COPG2: variants seen among roughly 807,000 people sequenced by gnomAD.
COPG2 encodes the protein coatomer subunit gamma-2.
COPG2 carries 37 observed loss-of-function variants against 46.3 expected under a neutral mutation model. The ratio of observed to expected loss-of-function variants is 0.80; its 90% CI spans 0.61 to 1.05. COPG2 has a LOEUF of 1.05. Among genes scored for constraint, COPG2 ranks in the 50% least tolerant of loss-of-function variants. COPG2 has a pLI of 0.00. For synonymous variants in COPG2, 159 were observed against 129.7 expected (o/e 1.23, Z -1.53); for missense variants, 427 against 387.8 (o/e 1.10, Z -0.85).
intron 20 of COPG2, among the ~76,000 whole-genome samples, chr7:130,521,045 TA>T (rs1799719305): frequency 6.6e-6 from 1 of 152,180 alleles, no homozygotes; most frequent in South Asian, 2.1e-4. Context: ...TGAGTTTTTT[TA>T]AAGGGAGATG....
intron 22 of COPG2, 85 bp from the exon 23 acceptor site, chr7:130,507,457 G>C (rs1194877881): frequency 4.0e-6 from 3 of 758,824 alleles, no homozygotes; most frequent in African/African-American, 1.7e-5. Flanking sequence ...GGGAGCTGGG[G>C]TGGAAGGGTT....
intron 3 of COPG2, among the ~76,000 whole-genome samples, chr7:130,664,853 T>C (rs1796042965): frequency 6.6e-6 from 1 of 152,220 alleles, no homozygotes. Flanking sequence ...AGAGGGATTA[T>C]GTTGTTTGTG....
At chr7:130,570,668 C>T (rs1406547823) in intron 9 of COPG2, among the ~76,000 whole-genome samples, 1 of 152,018 alleles carries the variant, frequency 6.6e-6, no homozygotes, top group Non-Finnish European at 1.5e-5. Context: ...ATACCACCAT[C>T]ATTCTTCACA....
rs145634631 is a variant in COPG2 at position 130,589,084 on chromosome 7, C to T, written c.737+21869G>A. Among the ~76,000 whole-genome samples the T allele has an allele frequency of 4.0e-5, 6 of 151,866 alleles. No individual in the cohort carries two copies. The East Asian group carries it at 1.2e-3, about 29-fold the overall frequency. On this transcript the variant is annotated intron_variant, in intron 9 of 23. Coordinates refer to ENST00000425248, the MANE Select transcript of COPG2 (RefSeq NM_012133.6). ...TAATTCCTGATTAAACATTTTATAA[C>T]ATCCCATAATACAACTAAACATTTT... is the stretch of plus-strand genomic sequence containing the variant.
chr7:130,536,389 C>A (rs1035540306), intron 20 of COPG2, among the ~76,000 whole-genome samples: 1 of 151,928 alleles, frequency 6.6e-6, no homozygotes, highest in East Asian at 1.9e-4. Context: ...GGGTTTCACC[C>A]GAGGGAGGGC....
At position 130,555,136 on chromosome 7, in the gene COPG2, T is replaced by C. The variant is rs1793601263; in HGVS notation, c.1129-4A>G. ...TAATTGCCTGTACAACCACCACCTG[T>C]AGAAAAACAAAAAGAATATTCATTT... On this transcript the variant is annotated splice_polypyrimidine_tract_variant and splice_region_variant and intron_variant, in intron 12 of 23. Transcript: ENST00000425248. The C allele has an allele frequency of 5.0e-6, 2 of 398,290 alleles. No homozygotes were observed. Among genetic ancestry groups the C allele is most frequent in the African/African-American group, 2.1e-5 (1 of 48,616 alleles). 24.7% of individuals were successfully genotyped at this position (398,290 alleles called of 1,614,324 possible). A position where few individuals can be genotyped will look rare whatever the true frequency, so the allele number is the denominator to read the frequency against.
intron 4 of COPG2, among the ~76,000 whole-genome samples, chr7:130,656,306 A>G (rs748817102): frequency 2.0e-5 from 3 of 152,118 alleles, no homozygotes; most frequent in East Asian, 1.9e-4. Context: ...CAAGATCAAT[A>G]AAGTTTATAA....
At chr7:130,660,343 T>C (rs987603802) in intron 4 of COPG2, among the ~76,000 whole-genome samples, 3 of 152,180 alleles carry the variant, frequency 2.0e-5, no homozygotes, top group Non-Finnish European at 2.9e-5. Flanking sequence ...TTATATTCTC[T>C]GACACTTTCA....
At chr7:130,627,438 A>G (rs977256148) in intron 5 of COPG2, among the ~76,000 whole-genome samples, 7 of 152,336 alleles carry the variant, frequency 4.6e-5, no homozygotes, top group Admixed American at 4.6e-4. Flanking sequence ...TACTGCACAA[A>G]GCCCTCTTCA....
chr7:130,525,107 G>C (rs1295892703), intron 20 of COPG2, among the ~76,000 whole-genome samples: 3 of 152,134 alleles, frequency 2.0e-5, no homozygotes, highest in African/African-American at 7.2e-5. Flanking sequence ...GTGGGAGTGG[G>C]GCAGCCATTT....
intron 5 of COPG2, among the ~76,000 whole-genome samples, chr7:130,650,050 A>G (rs1447660455): frequency 6.6e-6 from 1 of 152,172 alleles, no homozygotes; most frequent in African/African-American, 2.4e-5. Flanking sequence ...TGCTTTTTCC[A>G]GTCTCTAGAG....
chr7:130,651,785 G>C (rs1284105003), intron 5 of COPG2, among the ~76,000 whole-genome samples: 1 of 151,858 alleles, frequency 6.6e-6, no homozygotes, highest in Non-Finnish European at 1.5e-5. Flanking sequence ...CAAAGTGCTG[G>C]GATTACAGGT....
intron 20 of COPG2, among the ~76,000 whole-genome samples, chr7:130,529,539 A>C (rs1799804464): frequency 3.9e-5 from 6 of 152,174 alleles, no homozygotes. Flanking sequence ...TCAGAGTCCC[A>C]AACTGAGGTG....
chr7:130,512,680 G>A (rs2116333499), intron 20 of COPG2, among the ~76,000 whole-genome samples: 1 of 151,870 alleles, frequency 6.6e-6, no homozygotes. Flanking sequence ...TAATCCTGGA[G>A]GTTTCAGTGA....
At chr7:130,604,285 T>C (rs1362319577) in intron 9 of COPG2, among the ~76,000 whole-genome samples, 2 of 152,182 alleles carry the variant, frequency 1.3e-5, no homozygotes, top group African/African-American at 4.8e-5. Context: ...GTTTGTGGAA[T>C]CCATAGGTCA....
intron 5 of COPG2, among the ~76,000 whole-genome samples, chr7:130,621,545 A>T (rs546415750): frequency 1.3e-5 from 2 of 152,296 alleles, no homozygotes; most frequent in East Asian, 3.9e-4. Context: ...CACGGTGCTC[A>T]CGCCTGTAAT....
chr7:130,510,293 A>G (rs542715726), intron 20 of COPG2: 3 of 511,772 alleles, frequency 5.9e-6, no homozygotes, highest in East Asian at 5.5e-5. Flanking sequence ...ATCAATTTCA[A>G]TGCCATTAGG....
chr7:130,536,820 G>A (rs1207878237), intron 20 of COPG2, among the ~76,000 whole-genome samples: 1 of 152,230 alleles, frequency 6.6e-6, no homozygotes, highest in African/African-American at 2.4e-5. Context: ...GAGGACTCAG[G>A]TGGAGGAGTG....
intron 5 of COPG2, among the ~76,000 whole-genome samples, chr7:130,620,931 A>T (rs1426500205): frequency 2.0e-5 from 3 of 152,224 alleles, no homozygotes; most frequent in Non-Finnish European, 4.4e-5. Flanking sequence ...TACTCCCTAG[A>T]TCCTTAAATG....
Sources: allele counts gnomAD v4.1 joint callset (sites outside exome capture counted in the v4.1 genomes callset), GRCh38; gene constraint gnomAD v4.1.1; transcripts MANE v1.5; gene names NCBI Gene and HGNC (gene_info 2026-07-23, HGNC 2026-07-21).